CADPS: variants seen among roughly 807,000 people sequenced by gnomAD.
CADPS encodes calcium-dependent secretion activator 1.
A neutral mutation model predicts 167.3 loss-of-function variants in CADPS; 57 were observed. The ratio of observed to expected loss-of-function variants is 0.34; its 90% confidence interval spans 0.28 to 0.42. The LOEUF is 0.42. CADPS is among the 20% of genes least tolerant of loss of function. The probability of loss-of-function intolerance (pLI) is 1.00; values close to 1 mark genes in which losing one functional copy is unlikely to be tolerated. For synonymous variants in CADPS, 676 were observed against 635.3 expected (o/e 1.06, Z -0.96); for missense variants, 1,414 against 1,738.1 (o/e 0.81, Z 3.32).
At chr3:62,844,467 T>C (rs912230808) in intron 1 of CADPS, among the ~76,000 whole-genome samples, 1 of 152,200 alleles carries the variant, frequency 6.6e-6, no homozygotes, top group Non-Finnish European at 1.5e-5. Flanking sequence ...CATTCTGCTG[T>C]TCTTTCTTCC....
intron 24 of CADPS, chr3:62,473,878 G>A (rs192811675): frequency 1.0e-4 from 26 of 260,936 alleles, no homozygotes; most frequent in Admixed American, 2.6e-4. Context: ...AGATCTGTTC[G>A]AGACACCAGC....
intron 3 of CADPS, among the ~76,000 whole-genome samples, chr3:62,684,825 G>A (rs2077713407): frequency 1.3e-5 from 2 of 151,926 alleles, no homozygotes; most frequent in Non-Finnish European, 1.5e-5. Flanking sequence ...CAAAGTACAT[G>A]CACCAATCAG....
chr3:62,409,727 G>C (rs2048592778), intron 28 of CADPS, among the ~76,000 whole-genome samples: 1 of 152,194 alleles, frequency 6.6e-6, no homozygotes, highest in Admixed American at 6.5e-5. Flanking sequence ...ATTCCTAACA[G>C]AGTTTTAGAG....
intron 7 of CADPS, among the ~76,000 whole-genome samples, chr3:62,592,059 T>A (rs891314942): frequency 6.6e-6 from 1 of 152,322 alleles, no homozygotes; most frequent in East Asian, 1.9e-4. Flanking sequence ...TTGCTTAATA[T>A]GTCAGTAAAT....
intron 1 of CADPS, among the ~76,000 whole-genome samples, chr3:62,797,800 C>T (rs936727095): frequency 1.3e-5 from 2 of 151,870 alleles, no homozygotes; most frequent in Admixed American, 6.6e-5. Context: ...CCTGCACTTG[C>T]ACCCCTGAAC....
At chr3:62,566,516 G>A (rs1040139503) in intron 9 of CADPS, among the ~76,000 whole-genome samples, 1 of 152,148 alleles carries the variant, frequency 6.6e-6, no homozygotes, top group Non-Finnish European at 1.5e-5. Flanking sequence ...CATTGGGGTT[G>A]TTTCAAAGGG....
At chr3:62,486,465 A>G (rs1413795089) in intron 21 of CADPS, among the ~76,000 whole-genome samples, 1 of 151,832 alleles carries the variant, frequency 6.6e-6, no homozygotes, top group Admixed American at 6.6e-5. Context: ...AAAAAAAAAA[A>G]AGATATTGAT....
intron 3 of CADPS, among the ~76,000 whole-genome samples, chr3:62,705,456 A>G (rs533420804): frequency 9.2e-5 from 14 of 152,198 alleles, no homozygotes; most frequent in East Asian, 7.7e-4. Flanking sequence ...GATGCAAAGT[A>G]TTGTTCCTGG....
At chr3:62,623,416 T>C (rs2063484065) in intron 6 of CADPS, among the ~76,000 whole-genome samples, 2 of 152,204 alleles carry the variant, frequency 1.3e-5, no homozygotes, top group African/African-American at 2.4e-5. Flanking sequence ...TAACTCCTCC[T>C]GATTTAATTA....
intron 3 of CADPS, among the ~76,000 whole-genome samples, chr3:62,687,096 C>T (rs983070037): frequency 7.2e-5 from 11 of 152,070 alleles, no homozygotes; most frequent in African/African-American, 2.7e-4. Context: ...TGGCCAAGGG[C>T]AAAACACCGA....
intron 21 of CADPS, among the ~76,000 whole-genome samples, chr3:62,490,552 T>C (rs1017400460): frequency 6.6e-6 from 1 of 152,156 alleles, no homozygotes; most frequent in Admixed American, 6.5e-5. Flanking sequence ...TGCCAAACAT[T>C]TGTGGAAATT....
At chr3:62,498,161 T>C (rs977678541) in intron 18 of CADPS, 11 of 456,466 alleles carry the variant, frequency 2.4e-5, no homozygotes, top group Non-Finnish European at 4.8e-5. Flanking sequence ...TCCCCTGCCA[T>C]GATCAGCCAA....
chr3:62,525,273 A>C (rs889522985), intron 13 of CADPS, among the ~76,000 whole-genome samples: 1 of 152,184 alleles, frequency 6.6e-6, no homozygotes, highest in Admixed American at 6.5e-5. Context: ...GGTTAAAAGG[A>C]AACAAGTTCC....
At chr3:62,673,032 A>G (rs977799557) in intron 3 of CADPS, among the ~76,000 whole-genome samples, 3 of 152,190 alleles carry the variant, frequency 2.0e-5, no homozygotes, top group Non-Finnish European at 2.9e-5. Context: ...CCACCCTAAC[A>G]TCCTGAACCT....
chr3:62,449,067 G>A (rs1172293322), intron 26 of CADPS, among the ~76,000 whole-genome samples: 1 of 152,190 alleles, frequency 6.6e-6, no homozygotes, highest in Non-Finnish European at 1.5e-5. Context: ...GTTAATTAAG[G>A]AGCTTCAGTG....
At chr3:62,605,906 G>A (rs1002076058) in intron 6 of CADPS, among the ~76,000 whole-genome samples, 1 of 152,176 alleles carries the variant, frequency 6.6e-6, no homozygotes, top group Non-Finnish European at 1.5e-5. Flanking sequence ...CTGAGCAATG[G>A]CTTTTGTGTT....
At chr3:62,695,778 C>T (rs2080154968) in intron 3 of CADPS, among the ~76,000 whole-genome samples, 1 of 152,036 alleles carries the variant, frequency 6.6e-6, no homozygotes, top group African/African-American at 2.4e-5. Flanking sequence ...TCCAATGATC[C>T]TGCCTCAACC....
Position 62,874,049 on chromosome 3 carries a change from C to T in CADPS, c.441+540G>A, listed in dbSNP as rs902573946. Among the ~76,000 whole-genome samples the T allele has an allele frequency of 6.6e-6, 1 of 152,210 alleles. No homozygotes were observed. Among genetic ancestry groups the T allele is most frequent in the Non-Finnish European group, 1.5e-5 (1 of 68,030 alleles). The stretch of plus-strand genomic sequence containing the variant: ...GCTTCGCCTTCTGGGCTTGCTTTCT[C>T]CCGCCTGCCCCTGCGGTTGCTCTCT... On this transcript the variant is annotated intron_variant, in intron 1 of 29. Coordinates refer to ENST00000383710, the MANE Select transcript of CADPS (RefSeq NM_003716.4). This position sits in a 1 kb window ranked among gnomAD's most constrained non-coding sequence, Gnocchi z 7.1.
chr3:62,420,861 AACAC>A lies in CADPS; in HGVS notation c.3777+17239_3777+17242del, dbSNP rs775850925. Among the ~76,000 whole-genome samples, 2,206 of 133,834 alleles carry A rather than the reference AACAC, an allele frequency of 0.016. 31 individuals are homozygous for A. Among genetic ancestry groups the A allele is most frequent in the South Asian group, 0.04 (158 of 3,998 alleles). 87.8% of individuals were successfully genotyped at this position (133,834 alleles called of 152,430 possible). On this transcript the variant is annotated intron_variant, in intron 28 of 29. Transcript: ENST00000383710. The surrounding 1 kb of genome is among the most constrained non-coding windows in gnomAD (Gnocchi z 4.1). ...TTTTCTCTTTATGGGAGGGAGAACG[AACAC>A]ACACACACACACACACACACACACA...
Sources: gnomAD v4.1 joint callset for allele counts (sites outside exome capture counted in the v4.1 genomes callset) on GRCh38, gnomAD v4.1.1 for gene constraint, Gnocchi (gnomAD v3.1) non-coding constraint, MANE v1.5 for transcripts, NCBI Gene and HGNC (gene_info 2026-07-23, HGNC 2026-07-21) for gene names.